The following ERP44 variants were observed in gnomAD, a reference collection of about 807,000 sequenced individuals.
ERP44 encodes the protein endoplasmic reticulum resident protein 44.
ERP44 carries 25 observed loss-of-function variants against 53.4 expected under a neutral mutation model. That is an observed-to-expected ratio of 0.47 (90% confidence interval 0.34 to 0.65). The LOEUF (loss-of-function observed/expected upper bound fraction) is 0.65. Ranked by LOEUF, ERP44 falls within the 30% of genes least tolerant of loss-of-function variation. The pLI, the probability that ERP44 is intolerant of heterozygous loss-of-function variation, is 0.01. For missense variants in ERP44, 338 were observed against 493.2 expected, an observed-to-expected ratio of 0.69 and a Z score of 2.98; for synonymous variants, 145 against 161.2, an observed-to-expected ratio of 0.90 and a Z score of 0.76.
chr9:100,026,508 C>A lies in ERP44; in HGVS notation c.287-4282G>T, dbSNP rs558359056. ...AAAAAGATAAGTGAGTTAAAGCTAT[C>A]AGTTTATGAAAGAAACACAGATTGC... On this transcript the variant is annotated intron_variant, in intron 4 of 11. Coordinates refer to ENST00000262455, the MANE Select transcript of ERP44 (RefSeq NM_015051.3). Among the ~76,000 whole-genome samples the A allele has an allele frequency of 2.1e-4, 32 of 152,236 alleles. No homozygotes were observed. In the South Asian group the frequency reaches 6.0e-3, roughly 29 times the overall value.
intron 4 of ERP44, among the ~76,000 whole-genome samples, chr9:100,032,899 A>C (rs1825807386): frequency 6.6e-6 from 1 of 152,216 alleles, no homozygotes; most frequent in South Asian, 2.1e-4. Flanking sequence ...ATTAAGCAAG[A>C]CAGGTATTAA....
Position 100,091,513 on chromosome 9 carries a change from G to A in ERP44, c.57+7271C>T, listed in dbSNP as rs763950781. Among the ~76,000 whole-genome samples the A allele has an allele frequency of 1.4e-4, 22 of 152,294 alleles. No individual in the cohort carries two copies. In the Middle Eastern group the frequency reaches 0.01, roughly 71 times the overall value. On this transcript the variant is annotated intron_variant, in intron 1 of 11. Coordinates refer to ENST00000262455, the MANE Select transcript of ERP44 (RefSeq NM_015051.3). ...AGGGCCAATTCTGACATTTGGCCAC[G>A]TCAGCCAACCAGACAACAAGATTTC...
At chr9:100,088,045 C>CAGAG (rs5899403) in intron 1 of ERP44, among the ~76,000 whole-genome samples, 102,376 of 151,440 alleles carry the variant, frequency 0.68, 35,796 homozygotes, top group East Asian at 0.91. Flanking sequence ...CCTCCTGTAA[C>CAGAG]AGAGAATCAA....
intron 10 of ERP44, among the ~76,000 whole-genome samples, chr9:99,988,704 G>A (rs1031092419): frequency 1.3e-5 from 2 of 152,220 alleles, no homozygotes; most frequent in Non-Finnish European, 2.9e-5. Flanking sequence ...AGCCCATGGA[G>A]GGCGAGCCGA....
intron 1 of ERP44, among the ~76,000 whole-genome samples, chr9:100,098,167 G>A (rs73656933): frequency 0.013 from 1,905 of 152,288 alleles, 31 homozygotes; most frequent in African/African-American, 0.044. Flanking sequence ...GAAGAAATCT[G>A]CTTCCATGGG....
intron 3 of ERP44, 84 bp downstream of exon 3, chr9:100,057,736 G>A: frequency 1.0e-6 from 1 of 964,216 alleles, no homozygotes; most frequent in Admixed American, 2.1e-5. Context: ...AATAGAAAAA[G>A]CCTTCCCTTC....
At chr9:100,086,056 C>A (rs1215389563) in intron 1 of ERP44, among the ~76,000 whole-genome samples, 1 of 152,112 alleles carries the variant, frequency 6.6e-6, no homozygotes, top group Admixed American at 6.5e-5. Flanking sequence ...TTTCCATATA[C>A]CTAGTCAATT....
chr9:100,060,897 C>A (rs539676618), intron 1 of ERP44, among the ~76,000 whole-genome samples: 14 of 152,106 alleles, frequency 9.2e-5, no homozygotes, highest in Admixed American at 7.2e-4. Flanking sequence ...GTGTTTGCTG[C>A]CTGAAGAGAT....
chr9:99,997,175 G>A (rs965987122), intron 10 of ERP44, among the ~76,000 whole-genome samples: 1 of 152,142 alleles, frequency 6.6e-6, no homozygotes, highest in African/African-American at 2.4e-5. Context: ...TAGCGGGATT[G>A]CTGTATCAAA....
intron 1 of ERP44, among the ~76,000 whole-genome samples, chr9:100,064,465 A>G (rs996008770): frequency 1.2e-4 from 19 of 152,228 alleles, no homozygotes; most frequent in Non-Finnish European, 2.9e-5. Flanking sequence ...TAAAGTCTAT[A>G]CTATAATTTG....
intron 1 of ERP44, among the ~76,000 whole-genome samples, chr9:100,061,470 A>T (rs1826147948): frequency 6.8e-6 from 1 of 147,726 alleles, no homozygotes; most frequent in Admixed American, 6.8e-5. Context: ...TATATATATA[A>T]ATATTTATAA....
At chr9:100,086,772 G>T (rs1254114250) in intron 1 of ERP44, among the ~76,000 whole-genome samples, 1 of 152,120 alleles carries the variant, frequency 6.6e-6, no homozygotes, top group Non-Finnish European at 1.5e-5. Flanking sequence ...AGTTACCCCA[G>T]AAATCCAGAC....
intron 1 of ERP44, among the ~76,000 whole-genome samples, chr9:100,093,516 T>C (rs1187551266): frequency 2.6e-5 from 4 of 152,242 alleles, no homozygotes; most frequent in Non-Finnish European, 5.9e-5. Flanking sequence ...TGGTGGCTTG[T>C]GCCTGTAGTC....
chr9:100,082,035 G>C (rs1456977369), intron 1 of ERP44, among the ~76,000 whole-genome samples: 2 of 149,368 alleles, frequency 1.3e-5, no homozygotes, highest in South Asian at 2.1e-4. Context: ...TAATAGAAGA[G>C]GAAAAAAGCC....
chr9:100,023,394 A>C (rs2118658424), intron 4 of ERP44, among the ~76,000 whole-genome samples: 1 of 149,152 alleles, frequency 6.7e-6, no homozygotes, highest in South Asian at 2.1e-4. Flanking sequence ...ATAACCTGAG[A>C]AATCATAAAA....
intron 4 of ERP44, among the ~76,000 whole-genome samples, chr9:100,025,015 C>A (rs986331883): frequency 8.5e-5 from 13 of 152,108 alleles, no homozygotes; most frequent in Admixed American, 1.3e-4. Flanking sequence ...ATAGCCCCGG[C>A]TATGGTAAGA....
intron 1 of ERP44, among the ~76,000 whole-genome samples, chr9:100,068,156 A>G (rs1261379960): frequency 7.4e-6 from 1 of 135,318 alleles, no homozygotes; most frequent in East Asian, 2.4e-4. Context: ...CCCAACTGGG[A>G]AGTGAGGAGC....
chr9:100,086,634 C>T (rs939615545), intron 1 of ERP44, among the ~76,000 whole-genome samples: 1 of 152,212 alleles, frequency 6.6e-6, no homozygotes, highest in Non-Finnish European at 1.5e-5. Flanking sequence ...ATTATTCCCA[C>T]TTTTAGAAAA....
At chr9:100,097,323 C>T (rs373029348) in intron 1 of ERP44, among the ~76,000 whole-genome samples, 3 of 152,144 alleles carry the variant, frequency 2.0e-5, no homozygotes, top group African/African-American at 4.8e-5. Context: ...AGTGTCTCAA[C>T]TTTTCTTTAC....
Sources: gnomAD v4.1 joint callset for allele counts (sites outside exome capture counted in the v4.1 genomes callset) on GRCh38, gnomAD v4.1.1 for gene constraint, MANE v1.5 for transcripts, NCBI Gene and HGNC (gene_info 2026-07-23, HGNC 2026-07-21) for gene names.